SOX6: variants seen among roughly 807,000 people sequenced by gnomAD.
The protein encoded by SOX6 is transcription factor SOX-6.
In SOX6, 11 loss-of-function variants were observed where a neutral mutation model predicts 97.8. That is an observed-to-expected ratio of 0.11 (90% CI 0.07 to 0.19). The LOEUF (loss-of-function observed/expected upper bound fraction) is 0.19. Among genes scored for constraint, SOX6 ranks in the 10% least tolerant of loss-of-function variants. The pLI is 1.00. For missense variants in SOX6, 810 were observed against 1,039.5 expected (o/e 0.78, Z 3.04); for synonymous variants, 360 against 371.4 (o/e 0.97, Z 0.35).
chr11:16,557,945 A>C (rs73417126), intron 4 of SOX6, among the ~76,000 whole-genome samples: 3,877 of 151,972 alleles, frequency 0.026, 154 homozygotes, highest in African/African-American at 0.088. Context: ...AATTTTACTA[A>C]AGAACGCTGT....
chr11:16,207,490 G>T (rs933382204), intron 4 of SOX6, among the ~76,000 whole-genome samples: 6 of 151,814 alleles, frequency 4.0e-5, no homozygotes, highest in African/African-American at 1.5e-4. Flanking sequence ...AGCTACTCGG[G>T]AGGCTGAGGC....
At chr11:16,451,376 T>C (rs1210441083) in intron 1 of SOX6, among the ~76,000 whole-genome samples, 2 of 152,194 alleles carry the variant, frequency 1.3e-5, no homozygotes, top group African/African-American at 4.8e-5. Context: ...ACCCTGACAT[T>C]CTCATTCGTC....
chr11:16,065,356 T>C (rs1260833907), intron 9 of SOX6, among the ~76,000 whole-genome samples: 3 of 151,746 alleles, frequency 2.0e-5, no homozygotes, highest in Non-Finnish European at 4.4e-5. Context: ...TGAAAGAAAG[T>C]GAAGAGGAAA....
chr11:16,046,090 T>C (rs1271700148), intron 12 of SOX6, among the ~76,000 whole-genome samples: 2 of 152,140 alleles, frequency 1.3e-5, no homozygotes, highest in Non-Finnish European at 1.5e-5. Context: ...TTTTGCTTCA[T>C]TTTTTTGTCC....
rs143313533 is a variant in SOX6 at position 16,097,351 on chromosome 11, T to C, written c.978+258A>G. ...ACATGTATGCAGTAACAACTAGCCA[T>C]TGAAATTGTAAAACTATTCACTCAT... On this transcript the variant is annotated intron_variant, in intron 8 of 15. Coordinates refer to ENST00000683767, the MANE Select transcript of SOX6 (RefSeq NM_001367873.1). Among the ~76,000 whole-genome samples the C allele has an allele frequency of 3.2e-4, 48 of 152,002 alleles. 1 individual carries two copies. In the East Asian group the frequency reaches 3.9e-3, roughly 12 times the overall value.
chr11:16,004,214 T>C (rs1423037716), intron 13 of SOX6, among the ~76,000 whole-genome samples: 1 of 151,996 alleles, frequency 6.6e-6, no homozygotes. Context: ...TCATTCCAAA[T>C]GAGGAAACTT....
At chr11:16,672,559 C>T (rs1847854904) in intron 3 of SOX6, among the ~76,000 whole-genome samples, 1 of 152,144 alleles carries the variant, frequency 6.6e-6, no homozygotes, top group Non-Finnish European at 1.5e-5. Context: ...AGAAACTGTG[C>T]AGGGAAACTC....
chr11:16,295,187 T>C (rs12285597), intron 3 of SOX6, among the ~76,000 whole-genome samples: 3 of 152,008 alleles, frequency 2.0e-5, no homozygotes, highest in Non-Finnish European at 4.4e-5. Flanking sequence ...ATTCATCCTA[T>C]GCTATTTTTT....
intron 9 of SOX6, among the ~76,000 whole-genome samples, chr11:16,083,547 A>G (rs1848518251): frequency 6.6e-6 from 1 of 152,212 alleles, no homozygotes; most frequent in Admixed American, 6.5e-5. Context: ...AGGTAGGAGC[A>G]TGAGATATAC....
chr11:16,490,426 T>C (rs1041894382), intron 4 of SOX6, among the ~76,000 whole-genome samples: 1 of 152,092 alleles, frequency 6.6e-6, no homozygotes, highest in Non-Finnish European at 1.5e-5. Flanking sequence ...GTGTGTTCTA[T>C]ATACCACTTG....
rs531121243 is a variant in SOX6 at position 16,171,128 on chromosome 11, T to C, written c.777+12758A>G. ...GAGTTACTCTAGCAAAGATAATCTT[T>C]CCACAGAAACACTGGGAGTTCCAGG... On this transcript the variant is annotated intron_variant, in intron 6 of 15. Coordinates refer to ENST00000683767, the MANE Select transcript of SOX6 (RefSeq NM_001367873.1). Among the ~76,000 whole-genome samples, 29 of 152,090 alleles carry C rather than the reference T, an allele frequency of 1.9e-4. 1 individual carries two copies. Among genetic ancestry groups the C allele is most frequent in the Admixed American group, 7.9e-4 (12 of 15,236 alleles).
intron 1 of SOX6, among the ~76,000 whole-genome samples, chr11:16,422,805 C>CA (rs1484260689): frequency 6.6e-6 from 1 of 152,050 alleles, no homozygotes; most frequent in Non-Finnish European, 1.5e-5. Flanking sequence ...GACATCTACT[C>CA]AAAAAACCTT....
At chr11:16,143,320 C>G (rs1272111244) in intron 6 of SOX6, among the ~76,000 whole-genome samples, 1 of 152,122 alleles carries the variant, frequency 6.6e-6, no homozygotes, top group Non-Finnish European at 1.5e-5. Flanking sequence ...TTGTCACCAC[C>G]AGGCCTGCCC....
At chr11:16,369,660 A>G (rs535649325) in intron 1 of SOX6, among the ~76,000 whole-genome samples, 1 of 152,318 alleles carries the variant, frequency 6.6e-6, no homozygotes, top group Non-Finnish European at 1.5e-5. Flanking sequence ...GTTTTACATT[A>G]CTAATTATTT....
intron 9 of SOX6, among the ~76,000 whole-genome samples, chr11:16,076,026 T>G (rs1318098859): frequency 1.3e-5 from 2 of 152,044 alleles, no homozygotes; most frequent in Non-Finnish European, 2.9e-5. Flanking sequence ...GAGATTTAGG[T>G]GGGGACACAG....
chr11:16,365,345 T>C (rs1424212201), intron 1 of SOX6, among the ~76,000 whole-genome samples: 1 of 75,068 alleles, frequency 1.3e-5, no homozygotes, highest in African/African-American at 4.8e-5. Context: ...ATGTATCTTG[T>C]ATGGTATAAA....
chr11:16,573,786 C>A (rs1048647691), intron 4 of SOX6, among the ~76,000 whole-genome samples: 1 of 152,098 alleles, frequency 6.6e-6, no homozygotes, highest in African/African-American at 2.4e-5. Flanking sequence ...AATATTTGAC[C>A]AAATGTCTTT....
At chr11:16,092,373 C>CTGG (rs1484636987) in intron 9 of SOX6, among the ~76,000 whole-genome samples, 1 of 151,924 alleles carries the variant, frequency 6.6e-6, no homozygotes, top group Non-Finnish European at 1.5e-5. Flanking sequence ...GTGGATGTGA[C>CTGG]TGGTAAGTCT....
chr11:16,035,318 A>G (rs1211009083), intron 12 of SOX6, among the ~76,000 whole-genome samples: 1 of 152,242 alleles, frequency 6.6e-6, no homozygotes, highest in East Asian at 1.9e-4. Flanking sequence ...GTGTGAATGT[A>G]GGAAAATGAT....
Sources: gnomAD v4.1 joint callset for allele counts (sites outside exome capture counted in the v4.1 genomes callset) on GRCh38, gnomAD v4.1.1 for gene constraint, MANE v1.5 for transcripts, NCBI Gene and HGNC (gene_info 2026-07-23, HGNC 2026-07-21) for gene names.